Variants in LINGO2 observed in about 807,000 individuals in gnomAD.
LINGO2 encodes leucine rich repeat and Ig domain containing 2.
A neutral mutation model predicts 30.6 loss-of-function variants in LINGO2; 14 were observed. The ratio of observed to expected loss-of-function variants is 0.46; its 90% CI spans 0.30 to 0.72. The LOEUF (loss-of-function observed/expected upper bound fraction) is 0.72, where lower values mean the gene tolerates loss of function less well. Among genes scored for constraint, LINGO2 ranks in the 30% least tolerant of loss-of-function variants. The probability of loss-of-function intolerance (pLI) is 0.07; values close to 1 mark genes in which losing one functional copy is unlikely to be tolerated. For missense variants in LINGO2, 729 were observed against 751.7 expected (o/e 0.97, Z 0.35); for synonymous variants, 317 against 288.5 (o/e 1.10, Z -1.00).
intron 1 of LINGO2, among the ~76,000 whole-genome samples, chr9:28,631,404 G>C (rs1006704889): frequency 6.9e-6 from 1 of 145,866 alleles, no homozygotes; most frequent in Non-Finnish European, 1.5e-5. Flanking sequence ...TCTTTAATCT[G>C]TCTTGAATTA....
At chr9:28,605,721 C>T (rs1825668829) in intron 1 of LINGO2, among the ~76,000 whole-genome samples, 1 of 152,000 alleles carries the variant, frequency 6.6e-6, no homozygotes, top group Non-Finnish European at 1.5e-5. Flanking sequence ...CAGGACTGCT[C>T]AGGGGTGTGC....
At chr9:28,522,239 T>C (rs1024358981) in intron 1 of LINGO2, among the ~76,000 whole-genome samples, 2 of 152,164 alleles carry the variant, frequency 1.3e-5, no homozygotes, top group African/African-American at 2.4e-5. Flanking sequence ...CTCACATTAG[T>C]AGGAACTCTG....
the LINGO2 span, among the ~76,000 whole-genome samples, chr9:29,115,609 T>C: frequency 4.6e-5 from 7 of 151,928 alleles, no homozygotes; most frequent in Admixed American, 1.3e-4. Context: ...AGAAAAGATA[T>C]GCAGTCCTTT....
the LINGO2 span, among the ~76,000 whole-genome samples, chr9:29,159,398 A>C: frequency 6.6e-6 from 1 of 152,298 alleles, no homozygotes; most frequent in South Asian, 2.1e-4. Flanking sequence ...TTAGAGAGCA[A>C]TCTACAATGA....
rs548991612 is a variant in LINGO2, at chr9:28,145,722, T to C, written c.-86-133317A>G. Among the ~76,000 whole-genome samples, 5 of 152,148 alleles carry C rather than the reference T, an allele frequency of 3.3e-5. No individual in the cohort carries two copies. The South Asian group carries it at 6.2e-4, about 19-fold the overall frequency. On this transcript the variant is annotated intron_variant, in intron 4 of 5. Coordinates refer to ENST00000379992, the Ensembl canonical transcript of LINGO2. Reference sequence around the variant, plus strand: ...CTGGATGTGAAATTTGAACCAAGAGTCATTAAGCTTCCTGTCTTACCCATT... The same window carrying C: ...CTGGATGTGAAATTTGAACCAAGAGCCATTAAGCTTCCTGTCTTACCCATT...
chr9:28,879,643 T>G, the LINGO2 span, among the ~76,000 whole-genome samples: 1 of 152,142 alleles, frequency 6.6e-6, no homozygotes, highest in Non-Finnish European at 1.5e-5. Flanking sequence ...CACTGACACT[T>G]TTGCAAACAA....
At chr9:28,608,744 C>T (rs1046680666) in intron 1 of LINGO2, among the ~76,000 whole-genome samples, 5 of 151,884 alleles carry the variant, frequency 3.3e-5, no homozygotes, top group African/African-American at 1.2e-4. Context: ...GAGAAGCATG[C>T]TTCACAGGTA....
At chr9:28,227,962 G>C (rs1397385991) in intron 4 of LINGO2, among the ~76,000 whole-genome samples, 1 of 151,918 alleles carries the variant, frequency 6.6e-6, no homozygotes, top group East Asian at 1.9e-4. Context: ...AGAGTAATTA[G>C]GGCTTTATTA....
At chr9:29,186,556 C>T in the LINGO2 span, among the ~76,000 whole-genome samples, 35 of 152,118 alleles carry the variant, frequency 2.3e-4, no homozygotes, top group Middle Eastern at 0.01. Context: ...AATTGCTGTT[C>T]TTCTGGGATA....
exon 6 of LINGO2, chr9:27,950,328 T>C (rs750129407): frequency 3.1e-6 from 5 of 1,614,182 alleles, no homozygotes; most frequent in Non-Finnish European, 4.2e-6. Flanking sequence ...CTTTAGACGA[T>C]TGCCTTTTAG....
At chr9:27,986,268 C>G (rs1480400417) in intron 5 of LINGO2, among the ~76,000 whole-genome samples, 3 of 151,470 alleles carry the variant, frequency 2.0e-5, no homozygotes, top group Non-Finnish European at 4.4e-5. Flanking sequence ...CACACACACA[C>G]AGAGCAGTTA....
intron 4 of LINGO2, among the ~76,000 whole-genome samples, chr9:28,017,423 C>T (rs1176167218): frequency 2.6e-5 from 4 of 152,058 alleles, no homozygotes; most frequent in Non-Finnish European, 4.4e-5. Context: ...ACATTATGAC[C>T]GTATTCCTAG....
chr9:28,917,045 T>C, the LINGO2 span, among the ~76,000 whole-genome samples: 1 of 152,198 alleles, frequency 6.6e-6, no homozygotes, highest in African/African-American at 2.4e-5. Flanking sequence ...TTAATCTCCA[T>C]GTCTTACTTC....
chr9:28,590,622 C>T (rs1274070726), intron 1 of LINGO2, among the ~76,000 whole-genome samples: 1 of 152,018 alleles, frequency 6.6e-6, no homozygotes, highest in South Asian at 2.1e-4. Flanking sequence ...CATCTCACAC[C>T]AGTCAGAATG....
At chr9:29,118,641 T>A in the LINGO2 span, among the ~76,000 whole-genome samples, 3 of 152,050 alleles carry the variant, frequency 2.0e-5, no homozygotes, top group Non-Finnish European at 4.4e-5. Context: ...CAGCTACAGA[T>A]CAAAAGCAGC....
intron 4 of LINGO2, among the ~76,000 whole-genome samples, chr9:28,273,887 T>C (rs897017908): frequency 3.3e-5 from 5 of 152,054 alleles, no homozygotes; most frequent in Non-Finnish European, 5.9e-5. Context: ...CTAATTTCCA[T>C]AGCAAATTTA....
Position 28,148,780 on chromosome 9 carries a change from A to G in LINGO2, c.-86-136375T>C, listed in dbSNP as rs113465021. ...CACTTCCAACAGTGCTCCCTGCCCC[A>G]GTTCCAGGCTGCTCCCTGTGGCCAG... On this transcript the variant is annotated intron_variant, in intron 4 of 5. Transcript: ENST00000379992. This position sits in a 1 kb window ranked among gnomAD's most constrained non-coding sequence, Gnocchi z 5.1. 1 of 1,533,272 alleles carries G rather than the reference A, an allele frequency of 6.5e-7. No individual in the cohort carries two copies. The highest frequency in any genetic ancestry group is 8.7e-7 in the Non-Finnish European group (1 of 1,146,254). 95.0% of individuals were successfully genotyped at this position (1,533,272 alleles called of 1,614,324 possible). A position where few individuals can be genotyped will look rare whatever the true frequency, so the allele number is the denominator to read the frequency against.
At chr9:27,975,830 T>A (rs529937696) in intron 5 of LINGO2, among the ~76,000 whole-genome samples, 1 of 152,260 alleles carries the variant, frequency 6.6e-6, no homozygotes, top group South Asian at 2.1e-4. Flanking sequence ...TTTATTGTCT[T>A]CAAAAGATTT....
intron 1 of LINGO2, among the ~76,000 whole-genome samples, chr9:28,480,704 A>C (rs117474256): frequency 0.011 from 1,663 of 151,916 alleles, 15 homozygotes; most frequent in Non-Finnish European, 0.017. Context: ...TGTGCAGTCT[A>C]CTCCTAAAAT....
Sources: gnomAD v4.1 joint callset for allele counts (sites outside exome capture counted in the v4.1 genomes callset) on GRCh38, gnomAD v4.1.1 for gene constraint, Gnocchi (gnomAD v3.1) non-coding constraint, MANE v1.5 for transcripts, NCBI Gene and HGNC (gene_info 2026-07-23, HGNC 2026-07-21) for gene names.